The following ZFHX3 variants were observed in gnomAD, a reference collection of about 807,000 sequenced individuals.
ZFHX3 encodes zinc finger homeobox 3.
In ZFHX3, 42 loss-of-function variants were observed where a neutral mutation model predicts 279.1. That is an observed-to-expected ratio of 0.15 (90% CI 0.12 to 0.19). ZFHX3 has a LOEUF of 0.19. Ranked by LOEUF, ZFHX3 falls within the 10% of genes least tolerant of loss-of-function variation. ZFHX3 has a pLI of 1.00. For synonymous variants in ZFHX3, 2,293 were observed against 1,957.8 expected, an observed-to-expected ratio of 1.17 and a Z score of -4.52; for missense variants, 4,981 against 4,754.0, an observed-to-expected ratio of 1.05 and a Z score of -1.40.
At chr16:73,694,943 C>T (rs2053182864) in intron 1 of ZFHX3, among the ~76,000 whole-genome samples, 1 of 152,220 alleles carries the variant, frequency 6.6e-6, no homozygotes, top group Admixed American at 6.5e-5. Context: ...GACTCAAGAA[C>T]TCCAAAAGCC....
intron 1 of ZFHX3, among the ~76,000 whole-genome samples, chr16:73,839,516 T>A (rs1353249515): frequency 6.6e-6 from 1 of 152,074 alleles, no homozygotes; most frequent in Non-Finnish European, 1.5e-5. Context: ...ATCACTATGA[T>A]GAAAAAATCA....
At chr16:73,565,648 T>C (rs2020440358) in intron 2 of ZFHX3, among the ~76,000 whole-genome samples, 1 of 152,242 alleles carries the variant, frequency 6.6e-6, no homozygotes, top group African/African-American at 2.4e-5. Flanking sequence ...CCTTAGGTTG[T>C]GTGACTTGTC....
At position 72,794,732 on chromosome 16, in the gene ZFHX3, C is replaced by T. The variant is rs754492791; in HGVS notation, c.7950G>A (p.Pro2650=). 28 of 1,614,046 alleles carry T rather than the reference C, an allele frequency of 1.7e-5. No individual in the cohort carries two copies. The highest frequency in any genetic ancestry group is 1.0e-4 in the Admixed American group (6 of 60,002). The change falls in exon 9 of 10, where the codon CCG becomes CCA. Residue 2650 remains proline (P), a synonymous_variant. Coordinates refer to ENST00000268489, the MANE Select transcript of ZFHX3 (RefSeq NM_006885.4). The surrounding 1 kb of genome is among the most constrained non-coding windows in gnomAD (Gnocchi z 4.2). Reference sequence around the variant, plus strand: ...TCTGGTAGAGAATTTCTAGTTGTTCCGGTGTGATGGTTGTTCTCAAACGCT... The same window carrying T: ...TCTGGTAGAGAATTTCTAGTTGTTCTGGTGTGATGGTTGTTCTCAAACGCT... ...RDKRLRTTIT[P]EQLEILYQKY...
At chr16:72,798,789 T>C in intron 8 of ZFHX3, 75 bp from the exon 9 acceptor site, 1 of 1,489,250 alleles carries the variant, frequency 6.7e-7, no homozygotes, top group Non-Finnish European at 8.8e-7. Flanking sequence ...CAGAGCGGTC[T>C]ACCTAGTCAG....
chr16:73,867,590 CT>C (rs1170062794), intron 1 of ZFHX3, among the ~76,000 whole-genome samples: 3 of 152,278 alleles, frequency 2.0e-5, no homozygotes, highest in Middle Eastern at 6.8e-3. Flanking sequence ...GACCAGTGTT[CT>C]TTTCTCGTTT....
intron 5 of ZFHX3, among the ~76,000 whole-genome samples, chr16:73,196,379 G>C (rs1968149712): frequency 6.6e-6 from 1 of 151,916 alleles, no homozygotes. Flanking sequence ...TGTGGACTTG[G>C]GTTAGCAATT....
chr16:73,401,200 T>G (rs2017243958), intron 3 of ZFHX3: 1 of 152,044 alleles, frequency 6.6e-6, no homozygotes, highest in Non-Finnish European at 1.5e-5. Flanking sequence ...CTTGTGAAAT[T>G]GCTTTTCCCT....
chr16:73,406,646 C>T (rs1242500204), intron 3 of ZFHX3, among the ~76,000 whole-genome samples: 2 of 152,182 alleles, frequency 1.3e-5, no homozygotes, highest in Non-Finnish European at 2.9e-5. Context: ...AACCCATATG[C>T]ATCTGTAAAA....
chr16:73,479,395 A>G (rs1438030131), intron 2 of ZFHX3, among the ~76,000 whole-genome samples: 2 of 152,070 alleles, frequency 1.3e-5, no homozygotes, highest in East Asian at 1.9e-4. Flanking sequence ...CACGAAACTC[A>G]TTCCACTCAT....
chr16:72,911,402 C>T (rs1438489383), intron 3 of ZFHX3, among the ~76,000 whole-genome samples: 5 of 152,172 alleles, frequency 3.3e-5, no homozygotes, highest in Non-Finnish European at 5.9e-5. Context: ...CTCAGTGACA[C>T]GGATAATCCA....
chr16:73,656,957 G>T (rs528277003), intron 2 of ZFHX3, among the ~76,000 whole-genome samples: 2 of 152,332 alleles, frequency 1.3e-5, no homozygotes, highest in African/African-American at 4.8e-5. Flanking sequence ...GAATGCCAGT[G>T]TGTATAACAT....
intron 2 of ZFHX3, among the ~76,000 whole-genome samples, chr16:73,569,719 T>C (rs1241522818): frequency 1.3e-5 from 2 of 152,230 alleles, no homozygotes; most frequent in African/African-American, 4.8e-5. Flanking sequence ...TTATGTATTC[T>C]GAAATTAGGT....
At chr16:73,544,595 C>T (rs914801682) in intron 2 of ZFHX3, among the ~76,000 whole-genome samples, 2 of 152,028 alleles carry the variant, frequency 1.3e-5, no homozygotes, top group Admixed American at 6.5e-5. Flanking sequence ...GCTTGGGGAA[C>T]GGGGACCTAT....
At chr16:73,790,293 G>A (rs766636419) in intron 1 of ZFHX3, among the ~76,000 whole-genome samples, 4 of 148,366 alleles carry the variant, frequency 2.7e-5, no homozygotes, top group African/African-American at 5.0e-5. Context: ...TTTGGAAACC[G>A]TCATTATAGA....
At position 72,787,694 on chromosome 16, in the gene ZFHX3, AGCCGCCGCC is replaced by A. The variant is rs374416547; in HGVS notation, c.10573_10581del (p.Gly3525_Gly3527del). On this transcript the variant is annotated inframe_deletion, in exon 10 of 10. Coordinates refer to ENST00000268489, the MANE Select transcript of ZFHX3 (RefSeq NM_006885.4). Reference sequence around the variant, plus strand: ...CTCTCGCACGCCAGGCAGTGGTACGAGCCGCCGCCGCCGCCGCCGCCGCCACCGCCGCCG... The same window carrying A: ...CTCTCGCACGCCAGGCAGTGGTACGAGCCGCCGCCGCCGCCACCGCCGCCG... 46,732 of 1,420,694 alleles carry A rather than the reference AGCCGCCGCC, an allele frequency of 0.033. 3,693 individuals carry two copies. The highest frequency in any genetic ancestry group is 0.046 in the South Asian group (2,474 of 53,420). The allele number at this position is 1,420,694 out of a possible 1,614,324, so 88.0% of individuals were successfully genotyped here.
At chr16:73,351,454 C>G (rs1475774320) in intron 3 of ZFHX3, among the ~76,000 whole-genome samples, 1 of 152,182 alleles carries the variant, frequency 6.6e-6, no homozygotes, top group Non-Finnish European at 1.5e-5. Context: ...GCTGGTCAGC[C>G]TGGGAGAGGG....
intron 2 of ZFHX3, among the ~76,000 whole-genome samples, chr16:73,645,962 G>A (rs1369729319): frequency 6.6e-6 from 1 of 152,144 alleles, no homozygotes; most frequent in Admixed American, 6.5e-5. Flanking sequence ...TCTTAGTGTT[G>A]CAGATGTGAG....
upstream of ZFHX3, among the ~76,000 whole-genome samples, chr16:73,049,062 CCTTT>C (rs1209665640): frequency 1.3e-5 from 2 of 152,180 alleles, no homozygotes; most frequent in Non-Finnish European, 2.9e-5. Flanking sequence ...TTGCTGGGCG[CCTTT>C]CTATCTCCCC....
chr16:73,378,600 C>T (rs746999686), intron 3 of ZFHX3, among the ~76,000 whole-genome samples: 9 of 152,256 alleles, frequency 5.9e-5, no homozygotes, highest in Non-Finnish European at 1.0e-4. Context: ...TCTTGCTTCC[C>T]GCAAGATAAG....
Sources: gnomAD v4.1 joint callset for allele counts (sites outside exome capture counted in the v4.1 genomes callset) on GRCh38, gnomAD v4.1.1 for gene constraint, Gnocchi (gnomAD v3.1) non-coding constraint, MANE v1.5 for transcripts, NCBI Gene and HGNC (gene_info 2026-07-23, HGNC 2026-07-21) for gene names.